The following PACSIN2 variants were observed in gnomAD, a reference collection of about 807,000 sequenced individuals.
The protein encoded by PACSIN2 is protein kinase C and casein kinase substrate in neurons 2.
PACSIN2 carries 25 observed loss-of-function variants against 63.8 expected under a neutral mutation model. The ratio of observed to expected loss-of-function variants is 0.39; its 90% CI spans 0.29 to 0.55. PACSIN2 has a LOEUF of 0.55. Ranked by LOEUF, PACSIN2 falls within the 20% of genes least tolerant of loss-of-function variation. The pLI, the probability that PACSIN2 is intolerant of heterozygous loss-of-function variation, is 0.62. For synonymous variants in PACSIN2, 255 were observed against 256.2 expected (o/e 1.00, Z 0.05); for missense variants, 518 against 646.9 (o/e 0.80, Z 2.16).
intron 1 of PACSIN2, among the ~76,000 whole-genome samples, chr22:42,970,739 A>G (rs1921194415): frequency 6.6e-6 from 1 of 152,236 alleles, no homozygotes; most frequent in Non-Finnish European, 1.5e-5. Context: ...AAAATCTTTA[A>G]GTAAGCAAGC....
intron 2 of PACSIN2, among the ~76,000 whole-genome samples, chr22:42,911,095 G>C (rs1450983640): frequency 6.6e-6 from 1 of 151,836 alleles, no homozygotes; most frequent in Non-Finnish European, 1.5e-5. Flanking sequence ...TAGTAGAGAT[G>C]GGGTTTCACC....
Position 42,893,449 on chromosome 22 carries a change from C to A in PACSIN2, c.217+8G>T, listed in dbSNP as rs763714780. 7 of 1,610,410 alleles carry A rather than the reference C, an allele frequency of 4.3e-6. No homozygotes were observed. The highest frequency in any genetic ancestry group is 5.1e-6 in the Non-Finnish European group (6 of 1,179,880). On this transcript the variant is annotated splice_region_variant and intron_variant, in intron 3 of 10. Coordinates refer to ENST00000263246, the MANE Select transcript of PACSIN2 (RefSeq NM_001184970.3). Reference sequence around the variant, plus strand: ...CCAGGCCACAGGACCTGTGCCGGGGCCCCATACCTTTCTCCACGAGCTGCC... The same window carrying A: ...CCAGGCCACAGGACCTGTGCCGGGGACCCATACCTTTCTCCACGAGCTGCC...
chr22:42,923,984 G>T (rs1401038435), intron 1 of PACSIN2, among the ~76,000 whole-genome samples: 1 of 151,966 alleles, frequency 6.6e-6, no homozygotes, highest in Admixed American at 6.6e-5. Flanking sequence ...TGAGGCAGCA[G>T]TGAGTTACGA....
rs146438713 is a variant in PACSIN2, at chr22:42,875,902, G to T, written c.1348+235C>A. ...TGCCCAGGTTGGTCTCATACTCCTG[G>T]GCTCAAGCGATCCTTCCACCTCGGC... is the stretch of plus-strand genomic sequence containing the variant. On this transcript the variant is annotated intron_variant, in intron 10 of 10. Coordinates refer to ENST00000263246, the MANE Select transcript of PACSIN2 (RefSeq NM_001184970.3). Among the ~76,000 whole-genome samples, 28 of 152,132 alleles carry T rather than the reference G, an allele frequency of 1.8e-4. No individual in the cohort carries two copies. The East Asian group carries it at 5.4e-3, about 29-fold the overall frequency.
Position 42,871,391 on chromosome 22 carries a change from A to ATGT in PACSIN2, c.1426_1427insACA (p.Leu476delinsHisIle). 1 of 1,613,996 alleles carries ATGT rather than the reference A, an allele frequency of 6.2e-7. No homozygotes were observed. Among genetic ancestry groups the ATGT allele is most frequent in the Non-Finnish European group, 8.5e-7 (1 of 1,179,884 alleles). On this transcript the variant is annotated protein_altering_variant, in exon 11 of 11. Transcript: ENST00000263246. This position sits in a 1 kb window ranked among gnomAD's most constrained non-coding sequence, Gnocchi z 5.4. ...CGCCTCCACATAATTTGCCGGGTAT[A>ATGT]GGCCAACTTGCCCGTTGTCCAAGCG... is the stretch of plus-strand genomic sequence containing the variant.
At chr22:42,886,389 G>C (rs1929477988) in intron 5 of PACSIN2, among the ~76,000 whole-genome samples, 1 of 152,046 alleles carries the variant, frequency 6.6e-6, no homozygotes, top group African/African-American at 2.4e-5. Context: ...GAAAGTACAT[G>C]TGCAACCAGT....
intron 1 of PACSIN2, among the ~76,000 whole-genome samples, chr22:42,969,333 A>G (rs1290807134): frequency 6.6e-6 from 1 of 152,186 alleles, no homozygotes; most frequent in Non-Finnish European, 1.5e-5. Flanking sequence ...ATTCCAACTA[A>G]TCTGTAACCT....
chr22:42,993,611 G>A (rs974797870), intron 1 of PACSIN2: 1 of 152,248 alleles, frequency 6.6e-6, no homozygotes, highest in African/African-American at 2.4e-5. Context: ...AGAAAGGGCA[G>A]CTGCTAACCT....
At chr22:42,945,915 C>T (rs1234443993) in intron 1 of PACSIN2, 1 of 153,136 alleles carries the variant, frequency 6.5e-6, no homozygotes, top group East Asian at 1.9e-4. Flanking sequence ...CCTACTTCCT[C>T]CCGAAGCCAG....
intron 10 of PACSIN2, among the ~76,000 whole-genome samples, chr22:42,875,657 T>C (rs1201151591): frequency 6.6e-6 from 1 of 152,058 alleles, no homozygotes; most frequent in Non-Finnish European, 1.5e-5. Context: ...TGCCGCAGCC[T>C]CCTGAGTAAC....
chr22:42,982,869 T>TAAAAAAAAAAC (rs1416064156), intron 1 of PACSIN2, among the ~76,000 whole-genome samples: 2 of 44,018 alleles, frequency 4.5e-5, no homozygotes, highest in African/African-American at 1.4e-4. Context: ...GAATGATCAA[T>TAAAAAAAAAAC]AAAAAAAAAA....
rs772437540 is a variant in PACSIN2, at chr22:42,893,537, T to C, written c.137A>G (p.His46Arg). The change falls in exon 3 of 11, where the codon CAT becomes CGT. Residue 46 changes from histidine (H) to arginine (R), a missense_variant. His to Arg is a conservative substitution (Grantham distance 29). Coordinates refer to ENST00000263246, the MANE Select transcript of PACSIN2 (RefSeq NM_001184970.3). Reference protein sequence around the residue: ...RLCSDLMNCLHERARIEKAYA... With the variant: ...RLCSDLMNCLRERARIEKAYA... ...CGCCTTCTCGATGCGCGCCCGCTCA[T>C]GCAGGCAGTTCATGAGGTCGCTGCA... 4 of 1,614,114 alleles carry C rather than the reference T, an allele frequency of 2.5e-6. No homozygotes were observed. Among genetic ancestry groups the C allele is most frequent in the Non-Finnish European group, 3.4e-6 (4 of 1,180,006 alleles).
At chr22:42,907,712 C>T (rs545263115) in intron 2 of PACSIN2, among the ~76,000 whole-genome samples, 3 of 152,396 alleles carry the variant, frequency 2.0e-5, no homozygotes. Context: ...CACTGCTCTG[C>T]CGCCTCCTAA....
chr22:42,995,518 T>C (rs1923337526), intron 1 of PACSIN2, among the ~76,000 whole-genome samples: 2 of 152,114 alleles, frequency 1.3e-5, no homozygotes, highest in Admixed American at 6.5e-5. Context: ...ACCTTAAAAG[T>C]CACAGCAAGA....
chr22:43,004,949 AAAC>A (rs886123436), intron 1 of PACSIN2, among the ~76,000 whole-genome samples: 148 of 152,372 alleles, frequency 9.7e-4, no homozygotes, highest in Non-Finnish European at 7.2e-4. Flanking sequence ...GCTGTCCTGA[AAAC>A]AAAATGAGGG....
intron 1 of PACSIN2, among the ~76,000 whole-genome samples, chr22:42,940,392 G>C (rs559272330): frequency 6.6e-6 from 1 of 152,308 alleles, no homozygotes; most frequent in South Asian, 2.1e-4. Flanking sequence ...GCATGTGTTT[G>C]CTGAATGAGT....
intron 10 of PACSIN2, among the ~76,000 whole-genome samples, chr22:42,875,024 G>T (rs1467327166): frequency 6.6e-6 from 1 of 151,648 alleles, no homozygotes; most frequent in East Asian, 2.0e-4. Flanking sequence ...CTAATTTTTT[G>T]TATTTTTAGT....
intron 1 of PACSIN2, among the ~76,000 whole-genome samples, chr22:42,919,319 G>A (rs983283554): frequency 4.6e-5 from 7 of 152,284 alleles, no homozygotes; most frequent in South Asian, 2.1e-4. Context: ...AGGGTATTAA[G>A]AGGCTCGGGG....
intron 1 of PACSIN2, among the ~76,000 whole-genome samples, chr22:42,963,066 G>C (rs981724841): frequency 3.3e-5 from 5 of 152,194 alleles, no homozygotes; most frequent in African/African-American, 1.2e-4. Flanking sequence ...CTGGCATGCA[G>C]AGCCTAAGCT....
Sources: allele counts gnomAD v4.1 joint callset (sites outside exome capture counted in the v4.1 genomes callset), GRCh38; gene constraint gnomAD v4.1.1; non-coding constraint Gnocchi (gnomAD v3.1); transcripts MANE v1.5; gene names NCBI Gene and HGNC (gene_info 2026-07-23, HGNC 2026-07-21).